The following ANKFY1 variants were observed in gnomAD, a reference collection of about 807,000 sequenced individuals.
ANKFY1 encodes the protein ankyrin repeat and FYVE domain-containing protein 1.
In ANKFY1, 47 loss-of-function variants were observed where a neutral mutation model predicts 128.3. The ratio of observed to expected loss-of-function variants is 0.37; its 90% CI spans 0.29 to 0.47. The LOEUF (loss-of-function observed/expected upper bound fraction) is 0.47. Among genes scored for constraint, ANKFY1 ranks in the 20% least tolerant of loss-of-function variants. ANKFY1 has a pLI of 1.00. For missense variants in ANKFY1, 1,222 were observed against 1,510.6 expected, an observed-to-expected ratio of 0.81 and a Z score of 3.17; for synonymous variants, 553 against 601.6, an observed-to-expected ratio of 0.92 and a Z score of 1.18.
intron 3 of ANKFY1, among the ~76,000 whole-genome samples, chr17:4,230,318 C>T (rs763930432): frequency 6.6e-6 from 1 of 152,172 alleles, no homozygotes; most frequent in Non-Finnish European, 1.5e-5. Context: ...TCCAGGAGAG[C>T]TGAATGACTC....
chr17:4,251,657 T>C (rs1967838932), intron 1 of ANKFY1, among the ~76,000 whole-genome samples: 1 of 151,856 alleles, frequency 6.6e-6, no homozygotes, highest in East Asian at 1.9e-4. Context: ...ATGGCTAAAT[T>C]TGACTTTACC....
intron 3 of ANKFY1, chr17:4,222,857 G>A: frequency 1.0e-6 from 1 of 960,838 alleles, no homozygotes; most frequent in Non-Finnish European, 1.7e-6. Context: ...CATCCACCCA[G>A]ACGACTCAGT....
chr17:4,253,264 G>T (rs900098794), intron 1 of ANKFY1, among the ~76,000 whole-genome samples: 5 of 152,134 alleles, frequency 3.3e-5, no homozygotes, highest in Non-Finnish European at 5.9e-5. Context: ...GCAAACTATA[G>T]CAAGAGAAAG....
intron 3 of ANKFY1, among the ~76,000 whole-genome samples, chr17:4,219,084 T>TCTTTTAGCTTAATTTTA (rs1232120612): frequency 6.6e-6 from 1 of 152,232 alleles, no homozygotes; most frequent in East Asian, 1.9e-4. Flanking sequence ...AACTAATTTT[T>TCTTTTAGCTTAATTTTA]CTTTTAGCTT....
intron 4 of ANKFY1, among the ~76,000 whole-genome samples, chr17:4,216,311 T>C (rs1052194930): frequency 2.0e-5 from 3 of 152,220 alleles, no homozygotes. Flanking sequence ...CACTAAATGC[T>C]GTAAAAAGCC....
intron 7 of ANKFY1, among the ~76,000 whole-genome samples, chr17:4,205,171 C>CGATG (rs2059999587): frequency 1.3e-5 from 2 of 152,184 alleles, no homozygotes. Flanking sequence ...AGTAGATTCT[C>CGATG]TCTTTGATGT....
At chr17:4,232,583 T>G (rs1230734313) in intron 3 of ANKFY1, among the ~76,000 whole-genome samples, 1 of 152,192 alleles carries the variant, frequency 6.6e-6, no homozygotes, top group African/African-American at 2.4e-5. Flanking sequence ...AAGCAAACCT[T>G]ATAGTAGAAT....
chr17:4,168,054 TACC>T (rs2059243133), intron 24 of ANKFY1, 143 bp from the exon 25 acceptor site: 3 of 835,842 alleles, frequency 3.6e-6, no homozygotes, highest in South Asian at 2.1e-5. Context: ...CCAGCCCGGT[TACC>T]ACAATTCATG....
At position 4,181,513 on chromosome 17, in the gene ANKFY1, TG is replaced by T; in HGVS notation, c.2122-142del. The T allele has an allele frequency of 1.5e-6, 1 of 652,404 alleles. No homozygotes were observed. The highest frequency in any genetic ancestry group is 1.9e-5 in the South Asian group (1 of 53,078). The allele number at this position is 652,404 out of a possible 1,614,324, so 40.4% of individuals were successfully genotyped here. ...TAATAAATTGATAATTACTTTAATC[TG>T]TATCACTCATTATTTTACAAACACT... On this transcript the variant is annotated intron_variant, in intron 15 of 24. Transcript: ENST00000341657. The surrounding 1 kb of genome is among the most constrained non-coding windows in gnomAD (Gnocchi z 4.9).
At position 4,226,371 on chromosome 17, in the gene ANKFY1, T is replaced by A. The variant is rs190164533; in HGVS notation, c.323-9253A>T. ...ACCCTGTCTCTACAAAAAAACATTTTTTTTAATTAGTCAAGTGTGGTGGCA... is the reference window on the plus strand; with the variant it reads ...ACCCTGTCTCTACAAAAAAACATTTATTTTAATTAGTCAAGTGTGGTGGCA... On this transcript the variant is annotated intron_variant, in intron 3 of 24. Coordinates refer to ENST00000341657, the MANE Select transcript of ANKFY1 (RefSeq NM_001330063.2). 3.3e-3 allele frequency among the ~76,000 whole-genome samples: 507 copies of A among 152,236 alleles called. 1 individual carries two copies. Among genetic ancestry groups the A allele is most frequent in the Non-Finnish European group, 4.3e-3 (292 of 68,008 alleles).
intron 1 of ANKFY1, among the ~76,000 whole-genome samples, chr17:4,251,663 T>C (rs1209585891): frequency 6.6e-6 from 1 of 151,864 alleles, no homozygotes; most frequent in Non-Finnish European, 1.5e-5. Context: ...AAATTTGACT[T>C]TACCAAATTT....
intron 1 of ANKFY1, among the ~76,000 whole-genome samples, chr17:4,261,292 C>A: frequency 6.6e-6 from 1 of 152,220 alleles, no homozygotes; most frequent in East Asian, 1.9e-4. Flanking sequence ...AGTTCAAGAC[C>A]AGCCTAGCCA....
At chr17:4,183,731 T>G in intron 13 of ANKFY1, 81 bp downstream of exon 13, 15 of 1,479,094 alleles carry the variant, frequency 1.0e-5, no homozygotes, top group Non-Finnish European at 1.4e-5. Flanking sequence ...TCCTCTTTCT[T>G]TCTCGCTCCC....
intron 3 of ANKFY1, among the ~76,000 whole-genome samples, chr17:4,225,772 AT>A (rs541562070): frequency 9.3e-5 from 14 of 151,258 alleles, no homozygotes; most frequent in South Asian, 6.3e-4. Context: ...TATTTATATA[AT>A]TTTTTTTTGA....
chr17:4,218,787 A>C (rs1242125114), intron 3 of ANKFY1, among the ~76,000 whole-genome samples: 1 of 152,170 alleles, frequency 6.6e-6, no homozygotes, highest in African/African-American at 2.4e-5. Context: ...CCAATGTGGG[A>C]AGAGAAATTG....
chr17:4,243,812 A>C (rs1967384669), intron 1 of ANKFY1, among the ~76,000 whole-genome samples: 1 of 152,230 alleles, frequency 6.6e-6, no homozygotes, highest in African/African-American at 2.4e-5. Context: ...GTATTTGATT[A>C]ACTAAATTCA....
At chr17:4,179,093 C>T in intron 17 of ANKFY1, 36 bp from the exon 18 acceptor site, 1 of 1,599,992 alleles carries the variant, frequency 6.3e-7, no homozygotes, top group Non-Finnish European at 8.6e-7. Context: ...TGTTCAATTG[C>T]AAGATAAAAC....
chr17:4,234,610 T>C (rs1469049904), intron 3 of ANKFY1, among the ~76,000 whole-genome samples: 1 of 151,918 alleles, frequency 6.6e-6, no homozygotes, highest in Non-Finnish European at 1.5e-5. Context: ...AACTCTTGGC[T>C]CAAGAAATCC....
In ANKFY1 at chr17:4,169,100, AGGACCCAGGCAAGTTCACGGCCTGTCCT is replaced by A. The variant is rs2059266588; in HGVS notation, c.3377+70_3377+97del. ...GGTCAAGGTTTGCCCATCAATGTGC[AGGACCCAGGCAAGTTCACGGCCTGTCCT>A]GGAGAAGGGGGGAAGCAATGACATC... On this transcript the variant is annotated intron_variant, in intron 24 of 24. Coordinates refer to ENST00000341657, the MANE Select transcript of ANKFY1 (RefSeq NM_001330063.2). The surrounding 1 kb of genome is among the most constrained non-coding windows in gnomAD (Gnocchi z 5.0). The A allele has an allele frequency of 1.7e-5, 19 of 1,139,922 alleles. No individual in the cohort carries two copies. The South Asian group carries it at 2.0e-4, about 12-fold the overall frequency. 70.6% of individuals were successfully genotyped at this position (1,139,922 alleles called of 1,614,324 possible).
Sources: gnomAD v4.1 joint callset for allele counts (sites outside exome capture counted in the v4.1 genomes callset) on GRCh38, gnomAD v4.1.1 for gene constraint, Gnocchi (gnomAD v3.1) non-coding constraint, MANE v1.5 for transcripts, NCBI Gene and HGNC (gene_info 2026-07-23, HGNC 2026-07-21) for gene names.